DLST: variants seen among roughly 807,000 people sequenced by gnomAD.
DLST encodes dihydrolipoamide S-succinyltransferase, also known as dihydrolipoyllysine-residue succinyltransferase component of 2-oxoglutarate dehydrogenase complex, mitochondrial.
In DLST, 17 loss-of-function variants were observed where a neutral mutation model predicts 53.1. That is an observed-to-expected ratio of 0.32 (90% CI 0.22 to 0.48). DLST has a LOEUF of 0.48. Among genes scored for constraint, DLST ranks in the 20% least tolerant of loss-of-function variants. The pLI is 0.99. For synonymous variants in DLST, 206 were observed against 204.8 expected, an observed-to-expected ratio of 1.01 and a Z score of -0.05; for missense variants, 512 against 583.9, an observed-to-expected ratio of 0.88 and a Z score of 1.27.
chr14:74,891,710 T>C (rs546300329), intron 7 of DLST: 2 of 985,022 alleles, frequency 2.0e-6, no homozygotes, highest in African/African-American at 1.7e-5. Context: ...TATCTGACTC[T>C]TAGTTAAATT....
At chr14:74,900,703 G>T (rs993281382) in intron 13 of DLST, among the ~76,000 whole-genome samples, 3 of 152,186 alleles carry the variant, frequency 2.0e-5, no homozygotes, top group Admixed American at 1.3e-4. Flanking sequence ...CATCGATCTC[G>T]ATACAAGCTT....
At chr14:74,886,545 G>A (rs1300907624) in intron 3 of DLST, among the ~76,000 whole-genome samples, 1 of 152,084 alleles carries the variant, frequency 6.6e-6, no homozygotes, top group Non-Finnish European at 1.5e-5. Context: ...ACCTGGGCTG[G>A]TGTCAAACTC....
intron 2 of DLST, 116 bp downstream of exon 2, chr14:74,882,740 G>A: frequency 2.2e-6 from 2 of 898,488 alleles, no homozygotes; most frequent in Non-Finnish European, 3.6e-6. Context: ...GGTTCAGAGA[G>A]TAGTGAGACG....
Position 74,894,317 on chromosome 14 carries a change from A to G in DLST, c.678A>G (p.Lys226=). Residue 226 remains lysine (K), a synonymous_variant, in exon 10 of 15, where the codon AAA becomes AAG. Transcript: ENST00000334220. ...GKGLRSEHRE[K]MNRMRQRIAQ... is the part of the protein sequence containing the mutation. ...TGTTCCACTCTTACTTTCAGGAGAA[A>G]ATGAACAGGATGCGGCAGCGCATTG... 6.2e-7 allele frequency: 1 copy of G among 1,613,990 alleles called. No homozygotes were observed. The highest frequency in any genetic ancestry group is 8.5e-7 in the Non-Finnish European group (1 of 1,179,932).
At position 74,882,076 on chromosome 14, in the gene DLST, C is replaced by T. The variant is rs968054649; in HGVS notation, c.63+60C>T. ...AGGAGTCTGTTGGCGGGCAGAGAGGCGGCCTGGAAGGCAGGGGCGCGGCGC... is the reference window on the plus strand; with the variant it reads ...AGGAGTCTGTTGGCGGGCAGAGAGGTGGCCTGGAAGGCAGGGGCGCGGCGC... On this transcript the variant is annotated intron_variant, in intron 1 of 14. Transcript: ENST00000334220. 5 of 1,410,742 alleles carry T rather than the reference C, an allele frequency of 3.5e-6. No individual in the cohort carries two copies. In the African/African-American group the frequency reaches 4.4e-5, roughly 13 times the overall value. 87.4% of individuals were successfully genotyped at this position (1,410,742 alleles called of 1,614,324 possible). A position where few individuals can be genotyped will look rare whatever the true frequency, so the allele number is the denominator to read the frequency against.
chr14:74,891,771 G>A (rs1241885158), intron 7 of DLST: 20 of 984,964 alleles, frequency 2.0e-5, no homozygotes, highest in Non-Finnish European at 2.3e-5. Flanking sequence ...AATCGTACCC[G>A]TAGACCAACG....
At chr14:74,890,982 T>G in intron 6 of DLST, 74 bp from the exon 7 acceptor site, 6 of 1,540,736 alleles carry the variant, frequency 3.9e-6, no homozygotes, top group East Asian at 2.3e-5. Context: ...CTGGCTTCAT[T>G]GGAGATTCTA....
chr14:74,886,803 G>A lies in DLST; in HGVS notation c.146+1169G>A, dbSNP rs537374867. On this transcript the variant is annotated intron_variant, in intron 3 of 14. Coordinates refer to ENST00000334220, the MANE Select transcript of DLST (RefSeq NM_001933.5). ...GTCACCCAGGCTGGAGTGCAGTGGC[G>A]CGATCTCGGCTCACTGCAGCCTCTG... 1.2e-4 allele frequency among the ~76,000 whole-genome samples: 18 copies of A among 151,594 alleles called. No homozygotes were observed. In the South Asian group the frequency reaches 1.7e-3, roughly 14 times the overall value.
chr14:74,902,132 TCTC>T, intron 14 of DLST, 61 bp from the exon 15 acceptor site: 2 of 1,461,600 alleles, frequency 1.4e-6, no homozygotes, highest in Non-Finnish European at 1.8e-6. Flanking sequence ...CTGTGCTAAA[TCTC>T]CTTCAGCGAG....
At chr14:74,894,701 A>G (rs1220439786) in intron 10 of DLST, among the ~76,000 whole-genome samples, 1 of 151,416 alleles carries the variant, frequency 6.6e-6, no homozygotes, top group Non-Finnish European at 1.5e-5. Flanking sequence ...GCCCCCCACC[A>G]CGCCTGGCTA....
chr14:74,898,598 T>G, intron 11 of DLST, 99 bp downstream of exon 11: 1 of 1,395,078 alleles, frequency 7.2e-7, no homozygotes, highest in Non-Finnish European at 9.6e-7. Flanking sequence ...CAAGGCTTTT[T>G]ATTTGCTACC....
In DLST at chr14:74,882,489, C is replaced by T. The variant is rs928129132; in HGVS notation, c.64-102C>T. ...TTTACCTTCGGAGTTACGAGATTCA[C>T]CTGTCACCACCACTGGGACAGCTTT... On this transcript the variant is annotated intron_variant, in intron 1 of 14. Coordinates refer to ENST00000334220, the MANE Select transcript of DLST (RefSeq NM_001933.5). 2.0e-5 allele frequency: 23 copies of T among 1,169,736 alleles called. No homozygotes were observed. The African/African-American group carries it at 2.0e-4, about 10-fold the overall frequency. 72.5% of individuals were successfully genotyped at this position (1,169,736 alleles called of 1,614,324 possible).
In DLST at chr14:74,902,505, G is replaced by C. The variant is rs1884292659; in HGVS notation, c.*175G>C. The C allele has an allele frequency of 1.6e-6, 1 of 636,836 alleles. No individual in the cohort carries two copies. The highest frequency in any genetic ancestry group is 3.5e-5 in the South Asian group (1 of 28,322). 39.4% of individuals were successfully genotyped at this position (636,836 alleles called of 1,614,324 possible). A position where few individuals can be genotyped will look rare whatever the true frequency, so the allele number is the denominator to read the frequency against. Reference sequence around the variant, plus strand: ...TCACAGGTCTTTTCTTGGCGTTCCTGCCAGGCTCTCCCTCTCTGCACCTGT... The same window carrying C: ...TCACAGGTCTTTTCTTGGCGTTCCTCCCAGGCTCTCCCTCTCTGCACCTGT... On this transcript the variant is annotated 3_prime_UTR_variant, in exon 15 of 15. Transcript: ENST00000334220.
chr14:74,895,386 A>G (rs1008278531), intron 10 of DLST, among the ~76,000 whole-genome samples: 4 of 152,238 alleles, frequency 2.6e-5, no homozygotes, highest in African/African-American at 9.6e-5. Context: ...TTCAAGTATC[A>G]GCACTGTCAG....
At chr14:74,882,528 A>G in intron 1 of DLST, 63 bp from the exon 2 acceptor site, 1 of 1,571,646 alleles carries the variant, frequency 6.4e-7, no homozygotes, top group South Asian at 1.1e-5. Flanking sequence ...CGTGTACTTA[A>G]AAGAAAAAGC....
intron 2 of DLST, among the ~76,000 whole-genome samples, chr14:74,882,976 G>C (rs1277417196): frequency 6.6e-6 from 1 of 152,232 alleles, no homozygotes. Flanking sequence ...GGACAGAAGA[G>C]CCCTTTTTGA....
At chr14:74,901,609 G>A (rs1884248069) in intron 14 of DLST, among the ~76,000 whole-genome samples, 1 of 152,184 alleles carries the variant, frequency 6.6e-6, no homozygotes, top group Admixed American at 6.5e-5. Context: ...GAGCTGCCAA[G>A]TTGTATGATA....
chr14:74,889,983 T>G (rs1452001590), intron 6 of DLST, 31 bp downstream of exon 6: 1 of 1,604,642 alleles, frequency 6.2e-7, no homozygotes, highest in Admixed American at 1.7e-5. Context: ...TACCAGCTTT[T>G]CATGGGCTTC....
intron 5 of DLST, 135 bp from the exon 6 acceptor site, chr14:74,889,762 C>G (rs965962201): frequency 1.3e-6 from 1 of 771,084 alleles, no homozygotes; most frequent in East Asian, 2.6e-5. Context: ...ATAGCTCTGC[C>G]GTTTTCTTTA....
Sources: allele counts gnomAD v4.1 joint callset (sites outside exome capture counted in the v4.1 genomes callset), GRCh38; gene constraint gnomAD v4.1.1; transcripts MANE v1.5; gene names NCBI Gene and HGNC (gene_info 2026-07-23, HGNC 2026-07-21).